Variants in DZIP3 observed in about 807,000 individuals in gnomAD.
DZIP3 encodes the protein DAZ interacting zinc finger protein 3.
Under a neutral mutation model 162.0 loss-of-function variants are expected in DZIP3, and 118 were observed. The observed-to-expected ratio is 0.73, with a 90% confidence interval of 0.63 to 0.85. The LOEUF is 0.85. Ranked by LOEUF, DZIP3 falls within the 40% of genes least tolerant of loss-of-function variation. DZIP3 has a pLI of 0.00. For missense variants in DZIP3, 1,331 were observed against 1,407.0 expected (o/e 0.95, Z 0.86); for synonymous variants, 438 against 458.6 (o/e 0.96, Z 0.57).
At chr3:108,638,321 G>GTTTGTTTC (rs1037439655) in intron 12 of DZIP3, among the ~76,000 whole-genome samples, 1 of 151,850 alleles carries the variant, frequency 6.6e-6, no homozygotes, top group African/African-American at 2.4e-5. Flanking sequence ...AGGTTTTTTT[G>GTTTGTTTC]TTTGTTTGTT....
Position 108,644,280 on chromosome 3 carries a change from C to T in DZIP3, c.1258C>T (p.Leu420Phe), listed in dbSNP as rs1046313497. The T allele has an allele frequency of 3.1e-6, 5 of 1,613,846 alleles. No individual in the cohort carries two copies. Among genetic ancestry groups the T allele is most frequent in the African/African-American group, 1.3e-5 (1 of 74,918 alleles). ...ATTTGATGAGGCTATGCCACCTCCT[C>T]TTTTGAAAAAAGAGCTTCTTATACA... The part of the protein sequence containing the change: ...QIFDEAMPPP[L>F]LKKELLIHKN... Residue 420 changes from leucine to phenylalanine, a missense_variant, in exon 14 of 33, where the codon CTT (leucine) becomes TTT (phenylalanine). Coordinates refer to ENST00000361582, the MANE Select transcript of DZIP3 (RefSeq NM_014648.4).
chr3:108,618,432 C>G lies in DZIP3; in HGVS notation c.375+1775C>G, dbSNP rs532701709. Among the ~76,000 whole-genome samples the G allele has an allele frequency of 9.2e-5, 14 of 152,166 alleles. No homozygotes were observed. The East Asian group carries it at 2.7e-3, about 29-fold the overall frequency. ...TTCTAAGCGCTTTGTAAAAATTAGCCCTTTTACTGTTCATAAGTACCCCAT... is the reference window on the plus strand; with the variant it reads ...TTCTAAGCGCTTTGTAAAAATTAGCGCTTTTACTGTTCATAAGTACCCCAT... On this transcript the variant is annotated intron_variant, in intron 5 of 32. Transcript: ENST00000361582.
In DZIP3 at chr3:108,608,103, A is replaced by G. The variant is rs981756070; in HGVS notation, c.47A>G (p.Glu16Gly). The G allele has an allele frequency of 4.6e-5, 74 of 1,612,844 alleles. No individual in the cohort carries two copies. Among genetic ancestry groups the G allele is most frequent in the Non-Finnish European group, 6.1e-5 (72 of 1,179,284 alleles). ...DEFFVRHPAV[E>G]DQRKEETENK... is the part of the protein sequence containing the mutation. ...ATTTAAAATAGGCATCCTGCTGTGG[A>G]GGATCAGAGGAAGGAAGAAACTGAG... Residue 16 changes from glutamate (E) to glycine (G), a missense_variant, in exon 3 of 33, where the codon GAG becomes GGG. Physicochemically the swap from Glu to Gly is moderately conservative, Grantham distance 98. Transcript: ENST00000361582.
rs141734174 is a variant in DZIP3, at chr3:108,654,157, A to G, written c.2046A>G (p.Val682=). Residue 682 remains valine, a synonymous_variant, in exon 19 of 33, where the codon GTA becomes GTG. Coordinates refer to ENST00000361582, the MANE Select transcript of DZIP3 (RefSeq NM_014648.4). The stretch of plus-strand genomic sequence containing the variant: ...GTCACGACTACAGCCCATATGTGGT[A>G]GAAAAGGAAGAGCAGTTGAGGAAAG... ...DSKEDQVPYV[V]EKEEQLRKEQ... is the part of the protein sequence containing the mutation. 8.7e-5 allele frequency: 140 copies of G among 1,613,328 alleles called. No homozygotes were observed. Among genetic ancestry groups the G allele is most frequent in the Middle Eastern group, 5.0e-4 (3 of 6,058 alleles).
chr3:108,659,744 A>G (rs1576433489), intron 19 of DZIP3, among the ~76,000 whole-genome samples: 2 of 152,170 alleles, frequency 1.3e-5, no homozygotes, highest in East Asian at 1.9e-4. Context: ...AAACTCCATC[A>G]TCTCAGCCCA....
At position 108,644,285 on chromosome 3, in the gene DZIP3, G is replaced by GA. The variant is rs752839805; in HGVS notation, c.1269dup (p.Glu424ArgfsTer33). On this transcript the variant is annotated frameshift_variant, in exon 14 of 33. Coordinates refer to ENST00000361582, the MANE Select transcript of DZIP3 (RefSeq NM_014648.4). LOFTEE classifies it high-confidence loss of function. ...ATGAGGCTATGCCACCTCCTCTTTT[G>GA]AAAAAAGAGCTTCTTATACACAAGA... The GA allele has an allele frequency of 1.9e-6, 3 of 1,613,608 alleles. No homozygotes were observed. The Admixed American group carries it at 5.0e-5, about 27-fold the overall frequency.
In DZIP3 at chr3:108,644,611, G is replaced by T. The variant is rs781443126; in HGVS notation, c.1589G>T (p.Trp530Leu). 1 of 1,613,966 alleles carries T rather than the reference G, an allele frequency of 6.2e-7. No individual in the cohort carries two copies. The highest frequency in any genetic ancestry group is 1.7e-5 in the Admixed American group (1 of 60,004). Reference protein sequence around the residue: ...GLTESQFNSIWKKVSDILLRL... With the variant: ...GLTESQFNSILKKVSDILLRL... Reference sequence around the variant, plus strand: ...ACTGAGTCACAGTTCAATTCAATTTGGAAAAAAGTTTCAGATATTCTTCTG... The same window carrying T: ...ACTGAGTCACAGTTCAATTCAATTTTGAAAAAAGTTTCAGATATTCTTCTG... Residue 530 changes from tryptophan (W) to leucine (L), a missense_variant, in exon 14 of 33, where the codon TGG becomes TTG. By Grantham distance (61) the Trp-to-Leu change is moderately conservative. Transcript: ENST00000361582.
intron 5 of DZIP3, among the ~76,000 whole-genome samples, chr3:108,617,474 T>C (rs1270308677): frequency 2.0e-5 from 3 of 152,188 alleles, no homozygotes; most frequent in African/African-American, 7.2e-5. Context: ...TTTGTAAAAG[T>C]TGGAATTTCT....
chr3:108,603,018 GCTGAACA>G (rs1248292435), intron 1 of DZIP3: 7 of 152,212 alleles, frequency 4.6e-5, no homozygotes, highest in East Asian at 3.9e-4. Context: ...TCTTTTTCAA[GCTGAACA>G]CTGAACAGCT....
intron 21 of DZIP3, among the ~76,000 whole-genome samples, chr3:108,666,062 TAAG>T (rs1429783051): frequency 4.6e-5 from 7 of 152,188 alleles, no homozygotes; most frequent in South Asian, 2.1e-4. Flanking sequence ...AGATAAATAA[TAAG>T]AAGTTGTCCT....
At position 108,654,295 on chromosome 3, in the gene DZIP3, G is replaced by A; in HGVS notation, c.2184G>A (p.Leu728=). The A allele has an allele frequency of 3.1e-6, 5 of 1,613,592 alleles. No homozygotes were observed. The highest frequency in any genetic ancestry group is 4.2e-6 in the Non-Finnish European group (5 of 1,179,626). ...ATAGCCTGGATGAATTGCATATTCT[G>A]GACATGATAGAGCAGGTAAGCATGA... ...KFYSLDELHI[L]DMIEQGSAGK... is the part of the protein sequence containing the mutation. The change falls in exon 19 of 33, where the codon CTG becomes CTA. Residue 728 remains leucine, a synonymous_variant. Coordinates refer to ENST00000361582, the MANE Select transcript of DZIP3 (RefSeq NM_014648.4).
At chr3:108,603,913 CA>C (rs1199890527) in intron 1 of DZIP3, among the ~76,000 whole-genome samples, 2 of 152,156 alleles carry the variant, frequency 1.3e-5, no homozygotes, top group Admixed American at 6.5e-5. Context: ...AAAAGATACA[CA>C]GACCTCAGGG....
intron 1 of DZIP3, among the ~76,000 whole-genome samples, chr3:108,591,978 CAAAAAAA>C (rs34569028): frequency 9.1e-6 from 1 of 110,384 alleles, no homozygotes. Context: ...GAGACCCTGT[CAAAAAAA>C]AAAAAAAAAA....
chr3:108,624,252 C>G (rs1324595436), intron 5 of DZIP3, among the ~76,000 whole-genome samples, 192 bp from the exon 6 acceptor site: 1 of 151,954 alleles, frequency 6.6e-6, no homozygotes, highest in East Asian at 1.9e-4. Flanking sequence ...ATTGACTATC[C>G]TCTTTCTTCC....
rs190703483 is a variant in DZIP3 at position 108,692,219 on chromosome 3, A to T, written c.*7-1141A>T. ...AATGTGAATTGATAGAAATATATATATTTTTTTTCTGCCCCTGCTTGGCAC... is the reference window on the plus strand; with the variant it reads ...AATGTGAATTGATAGAAATATATATTTTTTTTTTCTGCCCCTGCTTGGCAC... On this transcript the variant is annotated intron_variant, in intron 32 of 32. Transcript: ENST00000361582. Among the ~76,000 whole-genome samples the T allele has an allele frequency of 3.0e-3, 446 of 149,870 alleles. 1 individual carries two copies. Among genetic ancestry groups the T allele is most frequent in the African/African-American group, 8.5e-3 (336 of 39,396 alleles).
At chr3:108,683,492 T>C (rs1194059661) in intron 26 of DZIP3, among the ~76,000 whole-genome samples, 2 of 152,198 alleles carry the variant, frequency 1.3e-5, no homozygotes, top group East Asian at 1.9e-4. Flanking sequence ...TTATGCTTAA[T>C]GCCAGTAGTA....
At chr3:108,602,065 A>G (rs915942796) in intron 1 of DZIP3, among the ~76,000 whole-genome samples, 3 of 152,180 alleles carry the variant, frequency 2.0e-5, no homozygotes, top group South Asian at 2.1e-4. Flanking sequence ...AGTAGGATCT[A>G]GACTGAACCC....
At chr3:108,631,055 A>ACACACACACCCTCTCTCT in intron 8 of DZIP3, among the ~76,000 whole-genome samples, 1 of 18,006 alleles carries the variant, frequency 5.6e-5, no homozygotes, top group Non-Finnish European at 9.0e-5. Flanking sequence ...ACACACACAC[A>ACACACACACCCTCTCTCT]CTCTCTCTCT....
At chr3:108,637,597 AT>A in intron 12 of DZIP3, 49 bp downstream of exon 12, 4 of 1,520,566 alleles carry the variant, frequency 2.6e-6, no homozygotes, top group East Asian at 2.3e-5. Flanking sequence ...ATATGCATAT[AT>A]TTTTTGGTTG....
Sources: gnomAD v4.1 joint callset for allele counts (sites outside exome capture counted in the v4.1 genomes callset) on GRCh38, gnomAD v4.1.1 for gene constraint, MANE v1.5 for transcripts, NCBI Gene and HGNC (gene_info 2026-07-23, HGNC 2026-07-21) for gene names.